Variants in ANK1 observed in about 807,000 individuals in gnomAD.
ANK1 encodes the protein ankyrin 1, also known as ankyrin-1.
A neutral mutation model predicts 210.4 loss-of-function variants in ANK1; 51 were observed. The ratio of observed to expected loss-of-function variants is 0.24; its 90% confidence interval spans 0.19 to 0.31. The LOEUF is 0.31. Ranked by LOEUF, ANK1 falls within the 10% of genes least tolerant of loss-of-function variation. The pLI, the probability that ANK1 is intolerant of heterozygous loss-of-function variation, is 1.00. For synonymous variants in ANK1, 967 were observed against 1,025.9 expected (o/e 0.94, Z 1.10); for missense variants, 2,051 against 2,504.4 (o/e 0.82, Z 3.86).
intron 1 of ANK1, among the ~76,000 whole-genome samples, chr8:41,867,941 C>T (rs1386812661): frequency 6.6e-6 from 1 of 152,244 alleles, no homozygotes; most frequent in Non-Finnish European, 1.5e-5. Context: ...CTCACTGCAA[C>T]CTCCACCTCC....
intron 2 of ANK1, among the ~76,000 whole-genome samples, chr8:41,740,270 C>T (rs1224930989): frequency 6.6e-6 from 1 of 151,916 alleles, no homozygotes; most frequent in Non-Finnish European, 1.5e-5. Context: ...AAGCAATTCA[C>T]CTGCCTCAAC....
chr8:41,803,965 T>G (rs1850551725), intron 1 of ANK1, among the ~76,000 whole-genome samples: 1 of 152,200 alleles, frequency 6.6e-6, no homozygotes, highest in African/African-American at 2.4e-5. Flanking sequence ...ATTCATAAGT[T>G]ATATTGGTTA....
intron 9 of ANK1, 99 bp from the exon 10 acceptor site, chr8:41,719,957 A>G (rs1828822430): frequency 1.7e-5 from 24 of 1,380,162 alleles, no homozygotes; most frequent in Non-Finnish European, 2.4e-5. Flanking sequence ...TCTTCCCTAC[A>G]CAATGTTTCC....
intron 16 of ANK1, among the ~76,000 whole-genome samples, chr8:41,710,248 C>T (rs1825774483): frequency 6.6e-6 from 1 of 152,094 alleles, no homozygotes; most frequent in Admixed American, 6.5e-5. Flanking sequence ...TTTTTTTGCG[C>T]TTCATTAAAA....
chr8:41,671,616 A>ACCCCGATGTCCCTAAGTGAGC (rs1812331876), intron 38 of ANK1, among the ~76,000 whole-genome samples: 6 of 52,938 alleles, frequency 1.1e-4, no homozygotes, highest in Admixed American at 1.9e-4. Flanking sequence ...CCTAAGTGAG[A>ACCCCGATGTCCCTAAGTGAGC]CCTCCCGGCA....
intron 7 of ANK1, among the ~76,000 whole-genome samples, chr8:41,724,070 G>A (rs1830065096): frequency 6.6e-6 from 1 of 152,218 alleles, no homozygotes; most frequent in Admixed American, 6.5e-5. Flanking sequence ...TTACAGGCGT[G>A]AGCCACCGCG....
intron 1 of ANK1, among the ~76,000 whole-genome samples, chr8:41,778,643 G>T (rs1225258411): frequency 6.6e-6 from 1 of 152,204 alleles, no homozygotes; most frequent in Non-Finnish European, 1.5e-5. Flanking sequence ...TACGTCTATT[G>T]TAGGAAGCTG....
chr8:41,668,056 C>G (rs1053691324), intron 39 of ANK1, among the ~76,000 whole-genome samples: 4 of 152,206 alleles, frequency 2.6e-5, no homozygotes, highest in Non-Finnish European at 5.9e-5. Context: ...CAGCAGCTGC[C>G]CAACAGGTAC....
intron 1 of ANK1, among the ~76,000 whole-genome samples, chr8:41,870,094 C>A (rs1016216675): frequency 6.6e-6 from 1 of 151,956 alleles, no homozygotes; most frequent in African/African-American, 2.4e-5. Flanking sequence ...GTTCAAGGAC[C>A]CCTCTGCAAG....
At chr8:41,844,282 G>A (rs190713478) in intron 1 of ANK1, among the ~76,000 whole-genome samples, 240 of 152,310 alleles carry the variant, frequency 1.6e-3, no homozygotes, top group Admixed American at 4.1e-3. Context: ...CCATGGGTGC[G>A]ACCTGGTCCA....
At chr8:41,796,800 G>C (rs543724532) in intron 1 of ANK1, among the ~76,000 whole-genome samples, 11 of 152,008 alleles carry the variant, frequency 7.2e-5, no homozygotes, top group Admixed American at 7.2e-4. Context: ...ACTGACACAT[G>C]GCACAGGCTG....
At chr8:41,698,154 C>A (rs1396314468) in intron 23 of ANK1, 33 bp from the exon 24 acceptor site, 2 of 1,606,434 alleles carry the variant, frequency 1.2e-6, no homozygotes, top group Admixed American at 3.3e-5. Context: ...CATCACAGGG[C>A]TGATCCACAT....
chr8:41,865,729 G>A (rs1011307716), intron 1 of ANK1, among the ~76,000 whole-genome samples: 2 of 151,970 alleles, frequency 1.3e-5, no homozygotes, highest in African/African-American at 4.8e-5. Context: ...CCCCCCAGCA[G>A]TCCCAGGTAG....
chr8:41,664,342 G>A (rs898023082), intron 39 of ANK1: 3 of 369,276 alleles, frequency 8.1e-6, no homozygotes, highest in East Asian at 7.2e-5. Flanking sequence ...GCATGGTGGT[G>A]TGTGCCTGTA....
chr8:41,728,049 G>C (rs1340945986), intron 3 of ANK1, 43 bp from the exon 4 acceptor site: 1 of 1,597,112 alleles, frequency 6.3e-7, no homozygotes, highest in Admixed American at 1.7e-5. Context: ...TTTCCCACTG[G>C]GCCCGCTACG....
rs1480490358 is a variant in ANK1, at chr8:41,672,539, C to G, written c.4911G>C (p.Leu1637Phe). 1 of 1,614,128 alleles carries G rather than the reference C, an allele frequency of 6.2e-7. No individual in the cohort carries two copies. The highest frequency in any genetic ancestry group is 1.3e-5 in the African/African-American group (1 of 74,942). Residue 1637 changes from leucine (L) to phenylalanine (F), a missense_variant, in exon 38 of 43, where the codon TTG becomes TTC. Leu to Phe is a conservative substitution (Grantham distance 22). Around this residue, in one of 6 missense-constraint regions of ANK1, gnomAD observed 496 missense variants for 533.4 expected, o/e 0.93. Transcript: ENST00000289734. ...DSDATNGLID[L>F]LEQEEGQRSE... ...ACCTCTGACCTTCCTCCTGTTCAAG[C>G]AAATCGATAAGGCCATTTGTGGCAT...
At chr8:41,878,392 G>A (rs1816979906) in intron 1 of ANK1, among the ~76,000 whole-genome samples, 1 of 152,240 alleles carries the variant, frequency 6.6e-6, no homozygotes, top group African/African-American at 2.4e-5. Context: ...GGAAGGAACA[G>A]GAGTAGCCGG....
At chr8:41,883,365 G>A (rs1391059436) in intron 1 of ANK1, among the ~76,000 whole-genome samples, 5 of 152,190 alleles carry the variant, frequency 3.3e-5, no homozygotes, top group Admixed American at 3.3e-4. Context: ...AAGCCAGTTG[G>A]CATCTGGAAC....
intron 1 of ANK1, among the ~76,000 whole-genome samples, chr8:41,854,026 C>T (rs1811751755): frequency 6.6e-6 from 1 of 152,200 alleles, no homozygotes; most frequent in Admixed American, 6.5e-5. Flanking sequence ...AAATGCTTCT[C>T]CTTATCAGGC....
Sources: allele counts gnomAD v4.1 joint callset (sites outside exome capture counted in the v4.1 genomes callset), GRCh38; gene constraint gnomAD v4.1.1; regional missense constraint gnomAD v4.1.1; transcripts MANE v1.5; gene names NCBI Gene and HGNC (gene_info 2026-07-23, HGNC 2026-07-21).